SATB2: variants seen among roughly 807,000 people sequenced by gnomAD.
The protein encoded by SATB2 is SATB homeobox 2.
SATB2 carries 1 observed loss-of-function variant against 73.4 expected under a neutral mutation model. The ratio of observed to expected loss-of-function variants is 0.01; its 90% confidence interval spans 0.00 to 0.06. The LOEUF is 0.06. SATB2 is among the 10% of genes least tolerant of loss of function. SATB2 has a pLI of 1.00. For missense variants in SATB2, 459 were observed against 945.8 expected (o/e 0.49, Z 6.75); for synonymous variants, 397 against 367.0 (o/e 1.08, Z -0.93).
intron 3 of SATB2, 116 bp from the exon 4 acceptor site, chr2:199,381,936 A>G: frequency 1.7e-6 from 2 of 1,174,010 alleles, no homozygotes; most frequent in Non-Finnish European, 2.5e-6. Context: ...CCACTCAGAT[A>G]TTTTACAACC....
chr2:199,309,824 A>G (rs977269892), intron 9 of SATB2, among the ~76,000 whole-genome samples: 1 of 152,246 alleles, frequency 6.6e-6, no homozygotes, highest in African/African-American at 2.4e-5. Flanking sequence ...TGTCTCTTGC[A>G]AAAGAGTAAA....
At chr2:199,394,934 C>T (rs1311396291) in intron 3 of SATB2, among the ~76,000 whole-genome samples, 1 of 151,824 alleles carries the variant, frequency 6.6e-6, no homozygotes, top group Non-Finnish European at 1.5e-5. Flanking sequence ...AGGCCACTAA[C>T]TTAAATGAGA....
At chr2:199,298,150 G>T (rs1361449424) in intron 10 of SATB2, among the ~76,000 whole-genome samples, 1 of 152,038 alleles carries the variant, frequency 6.6e-6, no homozygotes, top group African/African-American at 2.4e-5. Context: ...TACTAATAAC[G>T]CTCAGAAGCT....
At chr2:199,358,775 G>A (rs1414099527) in intron 6 of SATB2, among the ~76,000 whole-genome samples, 1 of 152,056 alleles carries the variant, frequency 6.6e-6, no homozygotes, top group Admixed American at 6.6e-5. Context: ...TAACTCAAAT[G>A]TGGACACCTC....
intron 2 of SATB2, among the ~76,000 whole-genome samples, chr2:199,440,711 T>C (rs896389541): frequency 2.0e-5 from 3 of 152,158 alleles, no homozygotes; most frequent in South Asian, 4.1e-4. Flanking sequence ...CTTGTTTTTC[T>C]AGTTGGCTTT....
chr2:199,269,881 T>C lies in SATB2; in HGVS notation c.*2330A>G, dbSNP rs184512660. The C allele has an allele frequency of 3.3e-3, 507 of 152,778 alleles. 1 individual carries two copies. The highest frequency in any genetic ancestry group is 0.027 in the Middle Eastern group (8 of 294). 9.5% of individuals were successfully genotyped at this position (152,778 alleles called of 1,614,324 possible). On this transcript the variant is annotated 3_prime_UTR_variant, in exon 11 of 11. Coordinates refer to ENST00000417098, the MANE Select transcript of SATB2 (RefSeq NM_001172509.2). ...AGATTCACTTAGAACCACTGCAAAC[T>C]TGGCAGTGAAATTAAAAAATAAAAG... is the stretch of plus-strand genomic sequence containing the variant.
intron 3 of SATB2, among the ~76,000 whole-genome samples, chr2:199,427,921 A>G (rs1691385401): frequency 1.3e-5 from 2 of 152,244 alleles, no homozygotes; most frequent in South Asian, 4.1e-4. Context: ...AATGAATAAT[A>G]AAGTGATAAT....
chr2:199,358,556 G>A (rs1422420852), intron 6 of SATB2, among the ~76,000 whole-genome samples: 1 of 152,114 alleles, frequency 6.6e-6, no homozygotes, highest in Non-Finnish European at 1.5e-5. Flanking sequence ...TTGTCTCTGG[G>A]TTGAGAACTT....
At chr2:199,370,911 A>C (rs993090544) in intron 5 of SATB2, among the ~76,000 whole-genome samples, 18 of 151,520 alleles carry the variant, frequency 1.2e-4, no homozygotes, top group Admixed American at 9.2e-4. Context: ...TGATCACATA[A>C]CAAAAACATA....
chr2:199,425,587 T>C (rs1022077398), intron 3 of SATB2, among the ~76,000 whole-genome samples: 5 of 152,156 alleles, frequency 3.3e-5, no homozygotes, highest in Non-Finnish European at 7.4e-5. Context: ...CACTACCTAG[T>C]CAACTGCTAG....
chr2:199,365,884 T>C (rs966332740), intron 6 of SATB2, among the ~76,000 whole-genome samples: 3 of 152,248 alleles, frequency 2.0e-5, no homozygotes, highest in East Asian at 3.9e-4. Flanking sequence ...CGTTTATTTA[T>C]TTCTATGAGA....
At chr2:199,419,618 G>C in intron 3 of SATB2, among the ~76,000 whole-genome samples, 1 of 152,166 alleles carries the variant, frequency 6.6e-6, no homozygotes, top group Non-Finnish European at 1.5e-5. Context: ...CTGTCATCTT[G>C]TAGCATACTC....
intron 10 of SATB2, among the ~76,000 whole-genome samples, chr2:199,280,369 G>A (rs1692450600): frequency 6.6e-6 from 1 of 152,126 alleles, no homozygotes. Flanking sequence ...GAGCATGTGT[G>A]TTTGAACAAT....
intron 3 of SATB2, among the ~76,000 whole-genome samples, chr2:199,417,448 A>G (rs902292799): frequency 2.0e-5 from 3 of 152,206 alleles, no homozygotes; most frequent in Non-Finnish European, 2.9e-5. Flanking sequence ...AAAAGATATG[A>G]GCAACTATTT....
At chr2:199,421,907 C>T in intron 3 of SATB2, among the ~76,000 whole-genome samples, 1 of 152,230 alleles carries the variant, frequency 6.6e-6, no homozygotes, top group East Asian at 1.9e-4. Context: ...CAAAGAACAA[C>T]TGTATCTGCA....
At chr2:199,407,246 A>T (rs1480722424) in intron 3 of SATB2, among the ~76,000 whole-genome samples, 1 of 146,002 alleles carries the variant, frequency 6.8e-6, no homozygotes, top group Non-Finnish European at 1.5e-5. Flanking sequence ...AAATGGCACC[A>T]CTGTGCTCCA....
chr2:199,436,237 A>G (rs1228811858), intron 2 of SATB2, among the ~76,000 whole-genome samples: 2 of 152,236 alleles, frequency 1.3e-5, no homozygotes, highest in African/African-American at 4.8e-5. Context: ...CTGTTCAGTT[A>G]GATATGAAAT....
intron 9 of SATB2, among the ~76,000 whole-genome samples, chr2:199,310,983 G>A (rs1212424650): frequency 6.6e-6 from 1 of 152,188 alleles, no homozygotes; most frequent in African/African-American, 2.4e-5. Context: ...CAATCACTTA[G>A]AACAACACTA....
chr2:199,318,793 CTTTA>C (rs1424716605), intron 9 of SATB2, among the ~76,000 whole-genome samples: 9 of 151,148 alleles, frequency 6.0e-5, no homozygotes, highest in South Asian at 2.1e-4. Context: ...ACTCTCTTTC[CTTTA>C]TTTTTCTTTT....
Sources: gnomAD v4.1 joint callset for allele counts (sites outside exome capture counted in the v4.1 genomes callset) on GRCh38, gnomAD v4.1.1 for gene constraint, MANE v1.5 for transcripts, NCBI Gene and HGNC (gene_info 2026-07-23, HGNC 2026-07-21) for gene names.